Variants in DPP10 observed in about 807,000 individuals in gnomAD.
DPP10 encodes the protein dipeptidyl peptidase like 10.
DPP10 carries 33 observed loss-of-function variants against 120.9 expected under a neutral mutation model. That is an observed-to-expected ratio of 0.27 (90% CI 0.21 to 0.37). The LOEUF (loss-of-function observed/expected upper bound fraction) is 0.37. Among genes scored for constraint, DPP10 ranks in the 10% least tolerant of loss-of-function variants. DPP10 has a pLI of 1.00. For missense variants in DPP10, 816 were observed against 942.8 expected, an observed-to-expected ratio of 0.87 and a Z score of 1.76; for synonymous variants, 337 against 326.1, an observed-to-expected ratio of 1.03 and a Z score of -0.36.
At chr2:115,672,646 C>CTT (rs1413427509) in intron 5 of DPP10, among the ~76,000 whole-genome samples, 16 of 21,576 alleles carry the variant, frequency 7.4e-4, no homozygotes, top group South Asian at 2.7e-3. Context: ...CTTTCTTTCT[C>CTT]TCTCTCTTTC....
Position 115,360,665 on chromosome 2 carries a change from C to A in DPP10, c.271+16753C>A, listed in dbSNP as rs1216788929. 2.0e-5 allele frequency among the ~76,000 whole-genome samples: 3 copies of A among 152,144 alleles called. No individual in the cohort carries two copies. The East Asian group carries it at 5.8e-4, about 29-fold the overall frequency. ...GCTCCCTGTAGTCTCTGGTGCTGTGCCCACATTTCTTTAGCTCCAAGGGAG... is the reference window on the plus strand; with the variant it reads ...GCTCCCTGTAGTCTCTGGTGCTGTGACCACATTTCTTTAGCTCCAAGGGAG... On this transcript the variant is annotated intron_variant, in intron 3 of 25. Coordinates refer to ENST00000410059, the MANE Select transcript of DPP10 (RefSeq NM_020868.6).
chr2:114,484,947 T>G (rs917025144), intron 1 of DPP10, among the ~76,000 whole-genome samples: 1 of 152,124 alleles, frequency 6.6e-6, no homozygotes, highest in Non-Finnish European at 1.5e-5. Context: ...GATTTTTTTT[T>G]TTTTTGAAGA....
chr2:114,702,295 T>C (rs1223926442), intron 1 of DPP10, among the ~76,000 whole-genome samples: 1 of 151,896 alleles, frequency 6.6e-6, no homozygotes, highest in Non-Finnish European at 1.5e-5. Context: ...AGTTTTGAAG[T>C]GAGGAAATTT....
chr2:115,334,230 G>GGTTTTTTTTTTTT (rs1553554643), intron 2 of DPP10, among the ~76,000 whole-genome samples: 25 of 56,410 alleles, frequency 4.4e-4, no homozygotes, highest in African/African-American at 1.2e-3. Flanking sequence ...AGCAGACTCT[G>GGTTTTTTTTTTTT]TTTTTTTTTT....
At chr2:115,552,928 C>T (rs191487404) in intron 5 of DPP10, among the ~76,000 whole-genome samples, 14 of 152,010 alleles carry the variant, frequency 9.2e-5, no homozygotes, top group Non-Finnish European at 1.8e-4. Context: ...AAAAGTTACA[C>T]TTTAAATTCC....
chr2:114,802,712 ATTC>A (rs945996327), intron 1 of DPP10, among the ~76,000 whole-genome samples: 2 of 151,880 alleles, frequency 1.3e-5, no homozygotes, highest in Non-Finnish European at 2.9e-5. Context: ...CTTTTTGTAT[ATTC>A]TTCTTAGTTT....
At chr2:115,392,120 G>A (rs375259749) in intron 3 of DPP10, among the ~76,000 whole-genome samples, 18 of 152,060 alleles carry the variant, frequency 1.2e-4, no homozygotes, top group African/African-American at 3.4e-4. Flanking sequence ...ATATAATAAC[G>A]TCATCTTCAA....
chr2:115,171,450 A>G (rs936394506), intron 1 of DPP10, among the ~76,000 whole-genome samples: 6 of 152,120 alleles, frequency 3.9e-5, no homozygotes, highest in African/African-American at 1.4e-4. Flanking sequence ...TATTTCCTTC[A>G]AATAGCCATG....
At chr2:115,351,069 T>C (rs1372892377) in intron 3 of DPP10, among the ~76,000 whole-genome samples, 2 of 152,072 alleles carry the variant, frequency 1.3e-5, no homozygotes, top group African/African-American at 4.8e-5. Context: ...ACCCATACAT[T>C]TGCATGTTCT....
chr2:114,517,479 C>T (rs1352782641), intron 1 of DPP10, among the ~76,000 whole-genome samples: 1 of 149,402 alleles, frequency 6.7e-6, no homozygotes, highest in Non-Finnish European at 1.5e-5. Flanking sequence ...GAGATCACGC[C>T]ACTGCACTCC....
At chr2:115,370,990 A>G (rs777147230) in intron 3 of DPP10, among the ~76,000 whole-genome samples, 3 of 152,260 alleles carry the variant, frequency 2.0e-5, no homozygotes, top group Admixed American at 6.6e-5. Flanking sequence ...AAGAGTTGTG[A>G]AGGCCTTTGT....
chr2:115,423,292 C>T (rs1369283833), intron 3 of DPP10, among the ~76,000 whole-genome samples: 1 of 152,094 alleles, frequency 6.6e-6, no homozygotes, highest in African/African-American at 2.4e-5. Context: ...CTAGCCACAT[C>T]TGAAGTACTC....
chr2:115,431,766 G>T (rs1207398752), intron 3 of DPP10, among the ~76,000 whole-genome samples: 1 of 151,884 alleles, frequency 6.6e-6, no homozygotes, highest in African/African-American at 2.4e-5. Context: ...TCCATTCTTG[G>T]CCCAATATTG....
intron 5 of DPP10, among the ~76,000 whole-genome samples, chr2:115,680,285 T>C (rs2090560133): frequency 6.6e-6 from 1 of 152,014 alleles, no homozygotes; most frequent in African/African-American, 2.4e-5. Flanking sequence ...ATGTTTTAAG[T>C]AGTCAATATT....
chr2:114,633,219 C>G (rs991769346), intron 1 of DPP10, among the ~76,000 whole-genome samples: 1 of 135,542 alleles, frequency 7.4e-6, no homozygotes, highest in East Asian at 2.2e-4. Context: ...TTTCTCCTAA[C>G]TTTATTTATT....
chr2:114,598,681 A>G (rs1053245257), intron 1 of DPP10, among the ~76,000 whole-genome samples: 1 of 151,848 alleles, frequency 6.6e-6, no homozygotes, highest in African/African-American at 2.4e-5. Flanking sequence ...GTCAAATAAG[A>G]TGTGAACTGG....
chr2:114,830,299 A>G (rs1256819096), intron 1 of DPP10, among the ~76,000 whole-genome samples: 1 of 151,962 alleles, frequency 6.6e-6, no homozygotes, highest in Non-Finnish European at 1.5e-5. Context: ...ACCGAGATTC[A>G]GTCAACCTGC....
chr2:115,652,008 T>G (rs2087822551), intron 5 of DPP10, among the ~76,000 whole-genome samples: 1 of 152,086 alleles, frequency 6.6e-6, no homozygotes. Context: ...TATATGAGAA[T>G]TCGAATTCAG....
chr2:114,637,660 T>C lies in DPP10; in HGVS notation c.60+194822T>C, dbSNP rs755894720. ...TTAATCCATCTTGAGTTAATTTTTA[T>C]ATGTGCTGACAGGTGGGGGTCTAGT... On this transcript the variant is annotated intron_variant, in intron 1 of 25. Transcript: ENST00000410059. 1.1e-3 allele frequency among the ~76,000 whole-genome samples: 172 copies of C among 152,038 alleles called. 1 individual carries two copies. Among genetic ancestry groups the C allele is most frequent in the Non-Finnish European group, 2.1e-3 (143 of 68,034 alleles).
Sources: allele counts gnomAD v4.1 joint callset (sites outside exome capture counted in the v4.1 genomes callset), GRCh38; gene constraint gnomAD v4.1.1; transcripts MANE v1.5; gene names NCBI Gene and HGNC (gene_info 2026-07-23, HGNC 2026-07-21).